The following TMEM14A variants were observed in gnomAD, a reference collection of about 807,000 sequenced individuals.
TMEM14A encodes the protein transmembrane protein 14A.
TMEM14A carries 8 observed loss-of-function variants against 11.6 expected under a neutral mutation model. That is an observed-to-expected ratio of 0.69 (90% confidence interval 0.40 to 1.24). TMEM14A has a LOEUF of 1.24. TMEM14A is among the 50% of genes most tolerant of loss of function. TMEM14A has a pLI of 0.01. For synonymous variants in TMEM14A, 34 were observed against 45.5 expected (o/e 0.75, Z 1.02); for missense variants, 108 against 121.9 (o/e 0.89, Z 0.54).
At chr6:52,672,012 G>T (rs1355643283) in intron 1 of TMEM14A, among the ~76,000 whole-genome samples, 2 of 152,218 alleles carry the variant, frequency 1.3e-5, no homozygotes, top group Non-Finnish European at 2.9e-5. Context: ...ATTGGGAGTA[G>T]ATTTATTTTG....
intron 1 of TMEM14A, among the ~76,000 whole-genome samples, chr6:52,676,138 A>G (rs1000580535): frequency 6.6e-6 from 1 of 152,218 alleles, no homozygotes; most frequent in African/African-American, 2.4e-5. Flanking sequence ...AACAGCTGAG[A>G]GTATGGCAGA....
chr6:52,684,141 C>T lies in TMEM14A; in HGVS notation c.236C>T (p.Pro79Leu). Residue 79 changes from proline to leucine, a missense_variant, in exon 4 of 5, where the codon CCT (proline) becomes CTT (leucine). Pro to Leu is a moderately conservative substitution (Grantham distance 98). Transcript: ENST00000211314. ...VRFKRSKKIM[P>L]AGLVAGLSLM... ...TTTAAGAGGTCCAAGAAAATAATGC[C>T]TGCTGGTTTGGTTGCAGGTTTAAGG... The T allele has an allele frequency of 6.2e-7, 1 of 1,613,802 alleles. No homozygotes were observed. Among genetic ancestry groups the T allele is most frequent in the African/African-American group, 1.3e-5 (1 of 75,028 alleles).
At chr6:52,683,751 A>G (rs1769438489) in intron 3 of TMEM14A, among the ~76,000 whole-genome samples, 1 of 152,000 alleles carries the variant, frequency 6.6e-6, no homozygotes, top group African/African-American at 2.4e-5. Context: ...AGCTGGGATT[A>G]CAGGCATGTG....
At chr6:52,681,428 CACA>C (rs767165429) in intron 2 of TMEM14A, among the ~76,000 whole-genome samples, 2 of 152,130 alleles carry the variant, frequency 1.3e-5, no homozygotes, top group Admixed American at 6.5e-5. Context: ...TTTTTATCAT[CACA>C]ACCTCATTGC....
chr6:52,676,446 G>GT (rs935275652), intron 1 of TMEM14A, among the ~76,000 whole-genome samples: 130 of 152,242 alleles, frequency 8.5e-4, no homozygotes, highest in African/African-American at 3.1e-3. Flanking sequence ...TAGAGATGGG[G>GT]TTTTGCCATG....
At chr6:52,676,325 T>G (rs992684808) in intron 1 of TMEM14A, among the ~76,000 whole-genome samples, 3 of 152,280 alleles carry the variant, frequency 2.0e-5, no homozygotes, top group South Asian at 4.1e-4. Flanking sequence ...CAATCACGGC[T>G]CATTGCAACC....
intron 4 of TMEM14A, among the ~76,000 whole-genome samples, chr6:52,684,905 C>T (rs778105512): frequency 5.9e-5 from 9 of 152,052 alleles, no homozygotes; most frequent in Admixed American, 2.0e-4. Flanking sequence ...AACAGTTCAC[C>T]AGTAAGGAGA....
At chr6:52,678,303 T>A (rs1034324015) in intron 2 of TMEM14A, among the ~76,000 whole-genome samples, 1 of 147,818 alleles carries the variant, frequency 6.8e-6, no homozygotes. Flanking sequence ...GGGAGAGAGA[T>A]ATAGAGAGTG....
At chr6:52,676,528 A>G (rs1769260004) in intron 1 of TMEM14A, among the ~76,000 whole-genome samples, 1 of 152,198 alleles carries the variant, frequency 6.6e-6, no homozygotes. Context: ...TACTAGGATT[A>G]CAGGCGTGAG....
chr6:52,677,031 T>G, intron 1 of TMEM14A, 56 bp from the exon 2 acceptor site: 2 of 1,509,702 alleles, frequency 1.3e-6, no homozygotes, highest in Non-Finnish European at 1.8e-6. Context: ...TTTAGATACA[T>G]TCCCTCCCCA....
intron 4 of TMEM14A, among the ~76,000 whole-genome samples, chr6:52,684,459 A>C (rs1769455861): frequency 6.6e-6 from 1 of 152,216 alleles, no homozygotes; most frequent in Non-Finnish European, 1.5e-5. Flanking sequence ...AGATTCACCC[A>C]TCTGCAACAC....
At chr6:52,685,952 C>T in intron 4 of TMEM14A, 58 bp from the exon 5 acceptor site, 2 of 1,569,124 alleles carry the variant, frequency 1.3e-6, no homozygotes, top group Non-Finnish European at 1.7e-6. Context: ...ATGGCCCTTT[C>T]TGTCTTATGC....
At chr6:52,677,423 C>A in intron 2 of TMEM14A, among the ~76,000 whole-genome samples, 1 of 152,034 alleles carries the variant, frequency 6.6e-6, no homozygotes, top group Non-Finnish European at 1.5e-5. Context: ...TCATCAGTTG[C>A]ATAGTTAATT....
chr6:52,673,773 A>G (rs1045868785), intron 1 of TMEM14A, among the ~76,000 whole-genome samples: 2 of 152,214 alleles, frequency 1.3e-5, no homozygotes, highest in African/African-American at 4.8e-5. Flanking sequence ...CCTTGCCTAA[A>G]GAAAATGCTA....
chr6:52,672,614 C>G (rs1224685367), intron 1 of TMEM14A, among the ~76,000 whole-genome samples: 1 of 152,068 alleles, frequency 6.6e-6, no homozygotes, highest in Non-Finnish European at 1.5e-5. Context: ...TCCCCGACTC[C>G]CTACTTCTCC....
intron 2 of TMEM14A, among the ~76,000 whole-genome samples, chr6:52,680,595 A>T (rs1371175370): frequency 2.4e-4 from 15 of 63,784 alleles, no homozygotes; most frequent in Admixed American, 4.8e-4. Context: ...TTATATATTT[A>T]TATATATATA....
chr6:52,677,994 C>A (rs1169383249), intron 2 of TMEM14A, among the ~76,000 whole-genome samples: 1 of 152,010 alleles, frequency 6.6e-6, no homozygotes, highest in Non-Finnish European at 1.5e-5. Context: ...TCTACGATTC[C>A]TTAAAGCCTG....
intron 3 of TMEM14A, among the ~76,000 whole-genome samples, chr6:52,683,810 T>C (rs1436903460): frequency 6.6e-6 from 1 of 152,156 alleles, no homozygotes; most frequent in Admixed American, 6.5e-5. Flanking sequence ...AGACGAGGTT[T>C]CTCCATGTTG....
chr6:52,685,321 C>T (rs9382132), intron 4 of TMEM14A, among the ~76,000 whole-genome samples: 61,041 of 151,878 alleles, frequency 0.4, 13,017 homozygotes, highest in African/African-American at 0.52. Flanking sequence ...GGGCTGGGTG[C>T]GGTGGCTCAT....
Sources: gnomAD v4.1 joint callset for allele counts (sites outside exome capture counted in the v4.1 genomes callset) on GRCh38, gnomAD v4.1.1 for gene constraint, MANE v1.5 for transcripts, NCBI Gene and HGNC (gene_info 2026-07-23, HGNC 2026-07-21) for gene names.